Variants in TAB2 observed in about 807,000 individuals in gnomAD.
TAB2 encodes TGF-beta activated kinase 1 (MAP3K7) binding protein 2.
A neutral mutation model predicts 65.0 loss-of-function variants in TAB2; 3 were observed. That is an observed-to-expected ratio of 0.05 (90% CI 0.02 to 0.12). The LOEUF is 0.12. TAB2 is among the 10% of genes least tolerant of loss of function. TAB2 has a pLI of 1.00. For synonymous variants in TAB2, 298 were observed against 285.1 expected (o/e 1.05, Z -0.46); for missense variants, 623 against 840.3 (o/e 0.74, Z 3.20).
chr6:149,367,641 G>C (rs1288418832), intron 1 of TAB2, among the ~76,000 whole-genome samples: 4 of 152,158 alleles, frequency 2.6e-5, no homozygotes, highest in Admixed American at 1.3e-4. Context: ...AAGGAAGGTG[G>C]GGAGACCTAT....
At position 149,377,231 on chromosome 6, in the gene TAB2, C is replaced by T. The variant is rs867987037; in HGVS notation, c.103-787C>T. On this transcript the variant is annotated intron_variant, in intron 2 of 6. Coordinates refer to ENST00000637181, the MANE Select transcript of TAB2 (RefSeq NM_001292034.3). ...GACTACAGGCGCCCGCCACCACGCC[C>T]GGCTAATTTTTTTTTATTTTTAGTA... 1.2e-3 allele frequency among the ~76,000 whole-genome samples: 181 copies of T among 151,764 alleles called. 1 individual carries two copies. The highest frequency in any genetic ancestry group is 6.8e-3 in the Middle Eastern group (2 of 294).
rs1184605371 is a variant in TAB2, at chr6:149,266,290, C to T, written c.-121+47514C>T. Among the ~76,000 whole-genome samples the T allele has an allele frequency of 2.6e-5, 4 of 152,098 alleles. No homozygotes were observed. The East Asian group carries it at 7.7e-4, about 29-fold the overall frequency. On this transcript the variant is annotated intron_variant, in intron 1 of 1. Transcript: ENST00000606202. ...TTGTCCGTGTGTCTGTGTCTTTGTA[C>T]GTGTGTCTGTGTCTTTGTCCGGGAG...
intron 1 of TAB2, among the ~76,000 whole-genome samples, chr6:149,283,818 T>C (rs993163484): frequency 1.3e-5 from 2 of 152,300 alleles, no homozygotes; most frequent in Admixed American, 1.3e-4. Flanking sequence ...TAGGGGACTC[T>C]GGTTTATAAT....
At chr6:149,370,198 G>A in intron 2 of TAB2, 99 bp downstream of exon 2, 1 of 1,093,994 alleles carries the variant, frequency 9.1e-7, no homozygotes. Flanking sequence ...GTTGGTGTTA[G>A]TGTATTATGA....
At chr6:149,405,901 A>G (rs965049551) in intron 6 of TAB2, among the ~76,000 whole-genome samples, 2 of 152,160 alleles carry the variant, frequency 1.3e-5, no homozygotes, top group African/African-American at 4.8e-5. Context: ...TGTTCTCACC[A>G]CGGTGGGGGG....
At position 149,249,153 on chromosome 6, in the gene TAB2, TACAC is replaced by T. The variant is rs58209371; in HGVS notation, c.-121+30390_-121+30393del. On this transcript the variant is annotated intron_variant, in intron 1 of 1. Coordinates refer to the TAB2 transcript ENST00000606202. The stretch of plus-strand genomic sequence containing the variant: ...ACACACATACACACACACACACACA[TACAC>T]ACACACACACACGCACACACACACA... 3.0e-4 allele frequency among the ~76,000 whole-genome samples: 34 copies of T among 112,754 alleles called. 1 individual carries two copies. The highest frequency in any genetic ancestry group is 2.7e-3 in the South Asian group (9 of 3,382). 74.0% of individuals were successfully genotyped at this position (112,754 alleles called of 152,430 possible).
At chr6:149,292,737 G>C (rs1778800124) in intron 1 of TAB2, among the ~76,000 whole-genome samples, 1 of 152,082 alleles carries the variant, frequency 6.6e-6, no homozygotes, top group Non-Finnish European at 1.5e-5. Flanking sequence ...CACCCCTGAA[G>C]TTTCTAAAAT....
chr6:149,221,286 T>C (rs925009035), intron 1 of TAB2: 1 of 152,238 alleles, frequency 6.6e-6, no homozygotes. Flanking sequence ...TAATTTCTAC[T>C]GCTTCCTAAG....
At chr6:149,270,579 C>T (rs531293598) in intron 1 of TAB2, among the ~76,000 whole-genome samples, 7 of 151,210 alleles carry the variant, frequency 4.6e-5, no homozygotes, top group Admixed American at 4.6e-4. Flanking sequence ...ATTTAACATT[C>T]TACAATCTAT....
At chr6:149,288,300 A>T (rs1348267525) in intron 1 of TAB2, among the ~76,000 whole-genome samples, 1 of 152,152 alleles carries the variant, frequency 6.6e-6, no homozygotes, top group African/African-American at 2.4e-5. Flanking sequence ...TCTCAATGCA[A>T]ATTAGCAGAG....
intron 2 of TAB2, among the ~76,000 whole-genome samples, chr6:149,375,510 C>T (rs1781370596): frequency 6.6e-6 from 1 of 151,704 alleles, no homozygotes; most frequent in African/African-American, 2.4e-5. Context: ...TTTGAGCGCT[C>T]AAGAGAATTA....
intron 6 of TAB2, among the ~76,000 whole-genome samples, chr6:149,402,563 A>G (rs1782469329): frequency 6.6e-6 from 1 of 151,790 alleles, no homozygotes; most frequent in Non-Finnish European, 1.5e-5. Flanking sequence ...CTCAAACAAG[A>G]ATTAATACCA....
intron 1 of TAB2, among the ~76,000 whole-genome samples, chr6:149,276,526 G>A (rs1226492727): frequency 6.6e-6 from 1 of 151,836 alleles, no homozygotes; most frequent in Non-Finnish European, 1.5e-5. Context: ...AAATTTCTTA[G>A]GGGTCAATAA....
intron 1 of TAB2, among the ~76,000 whole-genome samples, chr6:149,220,164 G>A (rs1166595874): frequency 2.0e-5 from 3 of 152,130 alleles, no homozygotes; most frequent in Admixed American, 2.0e-4. Context: ...TATTCAATCT[G>A]TTACGCTGTC....
At chr6:149,278,648 T>C (rs1778519688) in intron 1 of TAB2, among the ~76,000 whole-genome samples, 1 of 152,090 alleles carries the variant, frequency 6.6e-6, no homozygotes, top group Non-Finnish European at 1.5e-5. Context: ...AACCAAAAGA[T>C]GATGCGTTTG....
At chr6:149,368,645 T>TTG (rs3056968) in intron 1 of TAB2, among the ~76,000 whole-genome samples, 19,272 of 147,484 alleles carry the variant, frequency 0.13, 1,734 homozygotes, top group African/African-American at 0.27. Flanking sequence ...ATGCGAAAAT[T>TTG]TGTGTGTGTG....
chr6:149,394,493 T>A (rs1782102919), intron 3 of TAB2, among the ~76,000 whole-genome samples: 1 of 152,190 alleles, frequency 6.6e-6, no homozygotes, highest in South Asian at 2.1e-4. Context: ...TGTCTCATAA[T>A]TTTTTATTGA....
intron 6 of TAB2, among the ~76,000 whole-genome samples, chr6:149,406,051 G>A (rs1052451258): frequency 5.3e-5 from 8 of 152,106 alleles, no homozygotes; most frequent in Non-Finnish European, 8.8e-5. Flanking sequence ...AGTTGTGGGG[G>A]AAACAAAACA....
At chr6:149,306,963 C>A (rs1019874465) in intron 1 of TAB2, among the ~76,000 whole-genome samples, 2 of 152,186 alleles carry the variant, frequency 1.3e-5, no homozygotes, top group African/African-American at 4.8e-5. Context: ...TTGGCCCCCA[C>A]ATAACAGTAA....
Sources: allele counts gnomAD v4.1 joint callset (sites outside exome capture counted in the v4.1 genomes callset), GRCh38; gene constraint gnomAD v4.1.1; transcripts MANE v1.5; gene names NCBI Gene and HGNC (gene_info 2026-07-23, HGNC 2026-07-21).